The following PDZD8 variants were observed in gnomAD, a reference collection of about 807,000 sequenced individuals.
PDZD8 encodes PDZ domain containing 8.
A neutral mutation model predicts 85.8 loss-of-function variants in PDZD8; 14 were observed. The ratio of observed to expected loss-of-function variants is 0.16; its 90% CI spans 0.11 to 0.26. The LOEUF is 0.26. Ranked by LOEUF, PDZD8 falls within the 10% of genes least tolerant of loss-of-function variation. The pLI is 1.00. For missense variants in PDZD8, 1,197 were observed against 1,424.3 expected, an observed-to-expected ratio of 0.84 and a Z score of 2.57; for synonymous variants, 592 against 568.6, an observed-to-expected ratio of 1.04 and a Z score of -0.59.
At chr10:117,287,289 C>T (rs1844680598) in intron 4 of PDZD8, among the ~76,000 whole-genome samples, 1 of 152,128 alleles carries the variant, frequency 6.6e-6, no homozygotes, top group Admixed American at 6.5e-5. Context: ...TTCTTTTTCT[C>T]CACCTATACC....
intron 1 of PDZD8, among the ~76,000 whole-genome samples, chr10:117,361,046 T>C (rs1844988191): frequency 6.6e-6 from 1 of 152,204 alleles, no homozygotes; most frequent in African/African-American, 2.4e-5. Context: ...GTGAGGGTGA[T>C]GATGTCACCA....
At chr10:117,321,345 A>T (rs1389662474) in intron 2 of PDZD8, among the ~76,000 whole-genome samples, 1 of 152,194 alleles carries the variant, frequency 6.6e-6, no homozygotes, top group African/African-American at 2.4e-5. Context: ...TACATACACT[A>T]TGAATGAACC....
chr10:117,362,910 C>A (rs1304781521), intron 1 of PDZD8, among the ~76,000 whole-genome samples: 1 of 152,006 alleles, frequency 6.6e-6, no homozygotes, highest in African/African-American at 2.4e-5. Context: ...TAGTTAAATT[C>A]TTCCCATGGC....
At chr10:117,359,630 G>C (rs777572839) in intron 1 of PDZD8, among the ~76,000 whole-genome samples, 2 of 152,034 alleles carry the variant, frequency 1.3e-5, no homozygotes, top group Non-Finnish European at 2.9e-5. Context: ...AGAATTGCTT[G>C]AGCCCAGGAG....
At position 117,278,394 on chromosome 10, in the gene PDZD8, G is replaced by A. The variant is rs1844530115; in HGVS notation, c.*4874C>T. On this transcript the variant is annotated 3_prime_UTR_variant, in exon 5 of 5. Transcript: ENST00000334464. Reference sequence around the variant, plus strand: ...TAGTGATCAGGCAGAAAAGAAAAATGGAACATCTAAAAATGTATGTGCTAA... The same window carrying A: ...TAGTGATCAGGCAGAAAAGAAAAATAGAACATCTAAAAATGTATGTGCTAA... The A allele has an allele frequency of 6.6e-6, 1 of 152,186 alleles. No individual in the cohort carries two copies. The highest frequency in any genetic ancestry group is 2.4e-5 in the African/African-American group (1 of 41,462). 9.4% of individuals were successfully genotyped at this position (152,186 alleles called of 1,614,324 possible).
At chr10:117,336,503 A>G (rs1337852902) in intron 2 of PDZD8, among the ~76,000 whole-genome samples, 3 of 152,200 alleles carry the variant, frequency 2.0e-5, no homozygotes, top group Admixed American at 2.0e-4. Flanking sequence ...GTCATGGTGG[A>G]ACATGCCTGT....
At chr10:117,324,620 A>T (rs1419096086) in intron 2 of PDZD8, among the ~76,000 whole-genome samples, 4 of 152,216 alleles carry the variant, frequency 2.6e-5, no homozygotes, top group Admixed American at 6.6e-5. Flanking sequence ...GATAACTTTA[A>T]GATCATACCA....
At chr10:117,329,047 G>A (rs1416840738) in intron 2 of PDZD8, among the ~76,000 whole-genome samples, 4 of 152,146 alleles carry the variant, frequency 2.6e-5, no homozygotes, top group Non-Finnish European at 5.9e-5. Context: ...TAAACAAAAG[G>A]ATAACTTTTC....
chr10:117,323,547 C>G (rs1844263582), intron 2 of PDZD8, among the ~76,000 whole-genome samples: 1 of 152,100 alleles, frequency 6.6e-6, no homozygotes, highest in Non-Finnish European at 1.5e-5. Context: ...CAGGGAAGAA[C>G]TTCAAAATTT....
At chr10:117,331,102 T>TAAA (rs1844414423) in intron 2 of PDZD8, among the ~76,000 whole-genome samples, 1 of 152,224 alleles carries the variant, frequency 6.6e-6, no homozygotes, top group Non-Finnish European at 1.5e-5. Context: ...CTGTTAGCCC[T>TAAA]AACTACATTT....
At position 117,278,520 on chromosome 10, in the gene PDZD8, T is replaced by C. The variant is rs1565012244; in HGVS notation, c.*4748A>G. On this transcript the variant is annotated 3_prime_UTR_variant, in exon 5 of 5. Coordinates refer to ENST00000334464, the MANE Select transcript of PDZD8 (RefSeq NM_173791.5). ...AAATACTGTTAGTGAACATTGTCAA[T>C]TTATGTCATTTTGTTAAGAGATATG... 1 of 152,212 alleles carries C rather than the reference T, an allele frequency of 6.6e-6. No homozygotes were observed. The highest frequency in any genetic ancestry group is 2.4e-5 in the African/African-American group (1 of 41,458). 9.4% of individuals were successfully genotyped at this position (152,212 alleles called of 1,614,324 possible).
intron 2 of PDZD8, among the ~76,000 whole-genome samples, chr10:117,339,926 T>A (rs1338626293): frequency 2.0e-5 from 3 of 152,102 alleles, no homozygotes; most frequent in African/African-American, 7.2e-5. Flanking sequence ...CTAAGAGTAA[T>A]GGGGAAGCTG....
chr10:117,372,628 CGAGTTATAATTTAATCACT>C (rs1438226053), intron 1 of PDZD8, among the ~76,000 whole-genome samples: 1 of 152,052 alleles, frequency 6.6e-6, no homozygotes, highest in Non-Finnish European at 1.5e-5. Context: ...ACACTAGAAC[CGAGTTATAATTTAATCACT>C]GATATTCCAG....
chr10:117,317,809 T>C (rs1180684134), intron 3 of PDZD8, among the ~76,000 whole-genome samples: 5 of 152,168 alleles, frequency 3.3e-5, no homozygotes, highest in Non-Finnish European at 7.4e-5. Flanking sequence ...GGGGAAACTT[T>C]CCATGAAACC....
rs1167711747 is a variant in PDZD8 at position 117,325,413 on chromosome 10, T to TC, written c.996-6440_996-6439insG. ...GTTCCAGAAAAGCCAACTTTTTTTTTTTTTTTTGAGACAGAGTCTAGCTCT... is the reference window on the plus strand; with the variant it reads ...GTTCCAGAAAAGCCAACTTTTTTTTTCTTTTTTTGAGACAGAGTCTAGCTCT... On this transcript the variant is annotated intron_variant, in intron 2 of 4. Coordinates refer to ENST00000334464, the MANE Select transcript of PDZD8 (RefSeq NM_173791.5). Among the ~76,000 whole-genome samples the TC allele has an allele frequency of 4.3e-5, 6 of 137,988 alleles. No individual in the cohort carries two copies. In the East Asian group the frequency reaches 1.2e-3, roughly 29 times the overall value. 90.5% of individuals were successfully genotyped at this position (137,988 alleles called of 152,430 possible).
chr10:117,373,099 C>G (rs1165704766), intron 1 of PDZD8, among the ~76,000 whole-genome samples: 1 of 152,108 alleles, frequency 6.6e-6, no homozygotes, highest in Non-Finnish European at 1.5e-5. Flanking sequence ...GTTAAAAATT[C>G]AGCTTTTTAC....
chr10:117,296,195 T>G (rs1352672115), intron 3 of PDZD8, among the ~76,000 whole-genome samples: 2 of 151,104 alleles, frequency 1.3e-5, no homozygotes, highest in African/African-American at 4.9e-5. Context: ...CAATTAAAAT[T>G]ATAAATTATA....
At chr10:117,290,397 A>G (rs1417296808) in intron 3 of PDZD8, 49 bp from the exon 4 acceptor site, 1 of 1,444,544 alleles carries the variant, frequency 6.9e-7, no homozygotes, top group South Asian at 1.3e-5. Flanking sequence ...GATTCCTAGT[A>G]ATAGAGGAAA....
chr10:117,342,238 A>G (rs1844625913), intron 1 of PDZD8, among the ~76,000 whole-genome samples: 1 of 152,062 alleles, frequency 6.6e-6, no homozygotes, highest in African/African-American at 2.4e-5. Flanking sequence ...TTAAAACACA[A>G]CTCATACTCC....
Sources: gnomAD v4.1 joint callset for allele counts (sites outside exome capture counted in the v4.1 genomes callset) on GRCh38, gnomAD v4.1.1 for gene constraint, MANE v1.5 for transcripts, NCBI Gene and HGNC (gene_info 2026-07-23, HGNC 2026-07-21) for gene names.